WDR7: variants seen among roughly 807,000 people sequenced by gnomAD.
The protein encoded by WDR7 is WD repeat domain 7.
WDR7 carries 46 observed loss-of-function variants against 169.4 expected under a neutral mutation model. The ratio of observed to expected loss-of-function variants is 0.27; its 90% CI spans 0.21 to 0.35. WDR7 has a LOEUF of 0.35. Among genes scored for constraint, WDR7 ranks in the 10% least tolerant of loss-of-function variants. The pLI, the probability that WDR7 is intolerant of heterozygous loss-of-function variation, is 1.00. For missense variants in WDR7, 1,534 were observed against 1,859.3 expected, an observed-to-expected ratio of 0.83 and a Z score of 3.22; for synonymous variants, 612 against 666.8, an observed-to-expected ratio of 0.92 and a Z score of 1.27.
rs139543490 is a variant in WDR7 at position 56,817,237 on chromosome 18, C to T, written c.3304+1093C>T. ...GTGGGCGCCTGTCATTCCAGCTACT[C>T]GGGAGGCTGAGGCAGGAGAATCGCT... On this transcript the variant is annotated intron_variant, in intron 20 of 27. Transcript: ENST00000254442. 2.5e-3 allele frequency among the ~76,000 whole-genome samples: 381 copies of T among 150,788 alleles called. 1 individual carries two copies. Among genetic ancestry groups the T allele is most frequent in the East Asian group, 0.017 (85 of 5,116 alleles).
chr18:56,690,830 A>G (rs940609515), intron 7 of WDR7, among the ~76,000 whole-genome samples: 2 of 137,896 alleles, frequency 1.5e-5, no homozygotes, highest in East Asian at 4.4e-4. Context: ...AAAAAAAAAA[A>G]TGCTGTTACT....
intron 26 of WDR7, among the ~76,000 whole-genome samples, chr18:56,975,646 G>A (rs2047554912): frequency 6.6e-6 from 1 of 152,134 alleles, no homozygotes; most frequent in African/African-American, 2.4e-5. Flanking sequence ...TACCATCCCA[G>A]AAATATTTTT....
intron 1 of WDR7, among the ~76,000 whole-genome samples, chr18:56,663,679 A>G (rs989179625): frequency 7.9e-5 from 12 of 151,458 alleles, no homozygotes; most frequent in African/African-American, 2.9e-4. Context: ...ATACATATAT[A>G]TATGCACAGC....
intron 21 of WDR7, among the ~76,000 whole-genome samples, chr18:56,890,359 A>G (rs931301768): frequency 2.0e-5 from 3 of 152,098 alleles, no homozygotes; most frequent in Admixed American, 6.6e-5. Context: ...CTTTTTAATC[A>G]TGCATATTTT....
chr18:56,988,845 C>CA (rs1466591513), intron 26 of WDR7, among the ~76,000 whole-genome samples: 2 of 151,692 alleles, frequency 1.3e-5, no homozygotes, highest in Non-Finnish European at 2.9e-5. Context: ...AATAATAGAC[C>CA]AAGGGAGAGG....
At chr18:56,656,718 G>A (rs1194742992) in intron 1 of WDR7, among the ~76,000 whole-genome samples, 1 of 151,848 alleles carries the variant, frequency 6.6e-6, no homozygotes, top group African/African-American at 2.4e-5. Context: ...TCAAAGTTTG[G>A]CTCAGCTATT....
rs116183832 is a variant in WDR7, at chr18:56,764,775, G to C, written c.2848+5822G>C. On this transcript the variant is annotated intron_variant, in intron 16 of 27. Transcript: ENST00000254442. ...AACTGTCAGTCAGGTCAAGTTGCCC[G>C]TGTTCAAGTTTAGTATATACTTGCT... Among the ~76,000 whole-genome samples the C allele has an allele frequency of 8.9e-3, 1,361 of 152,176 alleles. 22 individuals are homozygous for C. The highest frequency in any genetic ancestry group is 0.028 in the African/African-American group (1,179 of 41,540).
intron 26 of WDR7, among the ~76,000 whole-genome samples, chr18:56,974,870 T>C (rs530302290): frequency 2.6e-5 from 4 of 152,128 alleles, no homozygotes; most frequent in East Asian, 1.9e-4. Context: ...AGTGCTCCAG[T>C]AGAATGTGAC....
rs923297002 is a variant in WDR7 at position 56,915,045 on chromosome 18, TATTAA to T, written c.3527-8871_3527-8867del. Among the ~76,000 whole-genome samples the T allele has an allele frequency of 6.2e-4, 95 of 152,352 alleles. 2 individuals are homozygous for T. Among genetic ancestry groups the T allele is most frequent in the Middle Eastern group, 6.8e-3 (2 of 294 alleles). Reference sequence around the variant, plus strand: ...ATGTTAATGAATTTTAAAATATCTTTATTAAATTAATTTCTTAATTTAACAGTTAT... The same window carrying T: ...ATGTTAATGAATTTTAAAATATCTTTATTAATTTCTTAATTTAACAGTTAT... On this transcript the variant is annotated intron_variant, in intron 21 of 27. Coordinates refer to ENST00000254442, the MANE Select transcript of WDR7 (RefSeq NM_015285.3).
intron 3 of WDR7, among the ~76,000 whole-genome samples, chr18:56,680,822 G>A (rs2025337888): frequency 6.6e-6 from 1 of 152,146 alleles, no homozygotes; most frequent in Admixed American, 6.5e-5. Flanking sequence ...AAATTCTCTA[G>A]CTACCTGGAT....
intron 26 of WDR7, among the ~76,000 whole-genome samples, chr18:56,997,033 T>C (rs1323705325): frequency 6.6e-6 from 1 of 152,158 alleles, no homozygotes; most frequent in Non-Finnish European, 1.5e-5. Context: ...AGAAACAGTA[T>C]CATATGAATT....
chr18:56,660,913 A>G (rs1380953504), intron 1 of WDR7, among the ~76,000 whole-genome samples: 6 of 152,138 alleles, frequency 3.9e-5, no homozygotes, highest in Non-Finnish European at 8.8e-5. Context: ...GAGGAGGGTA[A>G]TGTTACAAAT....
chr18:56,864,232 A>G (rs1255511920), intron 20 of WDR7, among the ~76,000 whole-genome samples: 4 of 151,680 alleles, frequency 2.6e-5, no homozygotes, highest in Non-Finnish European at 5.9e-5. Context: ...AAAACCTAAT[A>G]GCTAAAATAT....
At position 56,840,827 on chromosome 18, in the gene WDR7, GA is replaced by G. The variant is rs1199353016; in HGVS notation, c.3304+24693del. On this transcript the variant is annotated intron_variant, in intron 20 of 27. Transcript: ENST00000254442. ...GAGTGAGATCTTGTCTCAAAAAAAA[GA>G]AAAAAAAAAGACCCCATTTCCCACA... Among the ~76,000 whole-genome samples, 1,251 of 141,548 alleles carry G rather than the reference GA, an allele frequency of 8.8e-3. 21 individuals carry two copies. The highest frequency in any genetic ancestry group is 0.028 in the African/African-American group (1,091 of 38,562). The allele number at this position is 141,548 out of a possible 152,430, so 92.9% of individuals were successfully genotyped here.
chr18:57,018,675 A>G (rs955178049), intron 26 of WDR7, among the ~76,000 whole-genome samples: 4 of 152,194 alleles, frequency 2.6e-5, no homozygotes, highest in African/African-American at 7.2e-5. Context: ...GCCAAACCAA[A>G]CACATCTATT....
At chr18:56,726,314 C>G (rs9748746) in intron 13 of WDR7, among the ~76,000 whole-genome samples, 1 of 152,064 alleles carries the variant, frequency 6.6e-6, no homozygotes, top group African/African-American at 2.4e-5. Context: ...TGTTTGTATC[C>G]TCTTTGATTT....
At chr18:56,706,831 G>T (rs552285352) in intron 12 of WDR7, among the ~76,000 whole-genome samples, 1 of 151,690 alleles carries the variant, frequency 6.6e-6, no homozygotes, top group African/African-American at 2.4e-5. Flanking sequence ...GGGACTACTG[G>T]TGAATTCCAC....
At position 56,706,998 on chromosome 18, in the gene WDR7, T is replaced by TG. The variant is rs1258890466; in HGVS notation, c.1578+10536_1578+10537insG. ...CCCCGCCAAATTTTTATTTTTTTTT[T>TG]TGAGAGAGAGTCTCACTCTGCCACC... On this transcript the variant is annotated intron_variant, in intron 12 of 27. Transcript: ENST00000254442. Among the ~76,000 whole-genome samples the TG allele has an allele frequency of 4.6e-5, 7 of 150,958 alleles. No individual in the cohort carries two copies. In the East Asian group the frequency reaches 9.7e-4, roughly 21 times the overall value.
intron 20 of WDR7, among the ~76,000 whole-genome samples, chr18:56,832,231 G>A (rs998606126): frequency 3.9e-5 from 6 of 152,184 alleles, no homozygotes; most frequent in African/African-American, 1.4e-4. Flanking sequence ...CCGGAAGCTT[G>A]GACTGGGCGG....
Sources: gnomAD v4.1 joint callset for allele counts (sites outside exome capture counted in the v4.1 genomes callset) on GRCh38, gnomAD v4.1.1 for gene constraint, MANE v1.5 for transcripts, NCBI Gene and HGNC (gene_info 2026-07-23, HGNC 2026-07-21) for gene names.